DAB1: variants seen among roughly 807,000 people sequenced by gnomAD.
DAB1 encodes disabled homolog 1.
DAB1 carries 15 observed loss-of-function variants against 64.6 expected under a neutral mutation model. The ratio of observed to expected loss-of-function variants is 0.23; its 90% CI spans 0.16 to 0.36. DAB1 has a LOEUF of 0.36. Among genes scored for constraint, DAB1 ranks in the 10% least tolerant of loss-of-function variants. DAB1 has a pLI of 1.00. For synonymous variants in DAB1, 235 were observed against 251.9 expected (o/e 0.93, Z 0.64); for missense variants, 596 against 706.7 (o/e 0.84, Z 1.78).
chr1:57,182,211 A>G (rs1663044809), intron 2 of DAB1, among the ~76,000 whole-genome samples: 1 of 152,218 alleles, frequency 6.6e-6, no homozygotes, highest in Admixed American at 6.5e-5. Context: ...ACACACTGAC[A>G]GGCACTCAAG....
At chr1:57,945,787 C>T (rs940192103) in intron 5 of DAB1, among the ~76,000 whole-genome samples, 1 of 152,192 alleles carries the variant, frequency 6.6e-6, no homozygotes, top group Admixed American at 6.5e-5. Context: ...GCCTACCTGT[C>T]AATCCCAGAA....
intron 5 of DAB1, among the ~76,000 whole-genome samples, chr1:57,908,406 TGCTTAAC>T (rs748442245): frequency 6.6e-6 from 1 of 152,180 alleles, no homozygotes; most frequent in Non-Finnish European, 1.5e-5. Flanking sequence ...ATAGATTTAT[TGCTTAAC>T]GCTAGAGAGA....
At chr1:57,591,810 T>A (rs2101571164) in intron 7 of DAB1, among the ~76,000 whole-genome samples, 1 of 152,328 alleles carries the variant, frequency 6.6e-6, no homozygotes, top group South Asian at 2.1e-4. Context: ...ATGTCTGCAG[T>A]GTCAGAGGCT....
intron 2 of DAB1, among the ~76,000 whole-genome samples, chr1:57,198,650 C>CTCTCTT (rs1664836187): frequency 2.7e-5 from 1 of 37,258 alleles, no homozygotes; most frequent in Non-Finnish European, 7.6e-5. Flanking sequence ...TTCTCTCTCT[C>CTCTCTT]ACACACACAC....
At chr1:57,979,501 T>C (rs1377670870) in intron 5 of DAB1, among the ~76,000 whole-genome samples, 2 of 152,182 alleles carry the variant, frequency 1.3e-5, no homozygotes, top group Non-Finnish European at 2.9e-5. Context: ...CACCGTGGCA[T>C]GTGTATACCT....
chr1:57,691,581 A>G (rs900721258), intron 6 of DAB1, among the ~76,000 whole-genome samples: 2 of 152,150 alleles, frequency 1.3e-5, no homozygotes, highest in Non-Finnish European at 2.9e-5. Flanking sequence ...ATTCACTGTG[A>G]AGGTCTGTGG....
intron 7 of DAB1, among the ~76,000 whole-genome samples, chr1:57,633,472 G>GCAGGC (rs1324423833): frequency 1.3e-5 from 2 of 152,208 alleles, no homozygotes; most frequent in Non-Finnish European, 2.9e-5. Context: ...GATTGCAAGG[G>GCAGGC]CAGGCTGCTG....
intron 5 of DAB1, among the ~76,000 whole-genome samples, chr1:57,996,978 C>T (rs887349836): frequency 6.6e-6 from 1 of 152,158 alleles, no homozygotes; most frequent in African/African-American, 2.4e-5. Flanking sequence ...ACCCCACTGC[C>T]AACCAGGAAT....
At chr1:57,708,373 C>T (rs1437353517) in intron 6 of DAB1, among the ~76,000 whole-genome samples, 1 of 152,222 alleles carries the variant, frequency 6.6e-6, no homozygotes, top group East Asian at 1.9e-4. Context: ...CCTTCTCTTT[C>T]CCTCAAGTGG....
chr1:57,502,043 G>A (rs571168303), intron 7 of DAB1, among the ~76,000 whole-genome samples: 3 of 152,140 alleles, frequency 2.0e-5, no homozygotes, highest in Middle Eastern at 3.4e-3. Flanking sequence ...GAAACCGGCC[G>A]GTCGCGGTGG....
rs1467241373 is a variant in DAB1 at position 57,760,187 on chromosome 1, T to A, written n.552-110522A>T. ...TGAGGAAGGCTGCACTTGTCACTTA[T>A]GCACAGGAACAACATGGCTTTGAAT... On this transcript the variant is annotated intron_variant and non_coding_transcript_variant, in intron 6 of 20. Coordinates refer to the DAB1 transcript ENST00000485760. Among the ~76,000 whole-genome samples, 7 of 152,224 alleles carry A rather than the reference T, an allele frequency of 4.6e-5. No homozygotes were observed. The South Asian group carries it at 1.5e-3, about 32-fold the overall frequency.
At chr1:57,950,899 T>A (rs1645263196) in intron 5 of DAB1, among the ~76,000 whole-genome samples, 1 of 152,210 alleles carries the variant, frequency 6.6e-6, no homozygotes, top group African/African-American at 2.4e-5. Flanking sequence ...AGTCCTTTGT[T>A]TTCTTCACTT....
rs572173354 is a variant in DAB1 at position 57,160,071 on chromosome 1, C to T, written c.68-14642G>A. Among the ~76,000 whole-genome samples the T allele has an allele frequency of 3.9e-5, 6 of 152,206 alleles. No homozygotes were observed. The South Asian group carries it at 1.2e-3, about 32-fold the overall frequency. ...TTGCTTACCCACAGCCTAAGGATGG[C>T]GTGACAGCATTTGCTTCTTAGATTT... On this transcript the variant is annotated intron_variant, in intron 2 of 14. Coordinates refer to ENST00000371236, the MANE Select transcript of DAB1 (RefSeq NM_001365792.1).
In DAB1 at chr1:57,795,996, T is replaced by G. The variant is rs188943856; in HGVS notation, n.551+88003A>C. 6.9e-4 allele frequency among the ~76,000 whole-genome samples: 105 copies of G among 151,932 alleles called. 3 individuals are homozygous for G. In the South Asian group the frequency reaches 0.012, roughly 18 times the overall value. On this transcript the variant is annotated intron_variant and non_coding_transcript_variant, in intron 6 of 20. Transcript: ENST00000485760. ...GCTATATAAAACAAGGTATCATATA[T>G]ATACATATATATGCACGCTGTGGTA...
chr1:57,768,262 T>C (rs1284451290), intron 6 of DAB1, among the ~76,000 whole-genome samples: 1 of 151,426 alleles, frequency 6.6e-6, no homozygotes, highest in Non-Finnish European at 1.5e-5. Flanking sequence ...TGTGTGTGTT[T>C]GGCAAGTAAT....
chr1:57,531,382 ACT>A (rs1230587900), intron 7 of DAB1, among the ~76,000 whole-genome samples: 9 of 151,772 alleles, frequency 5.9e-5, no homozygotes, highest in East Asian at 1.9e-4. Context: ...TTCCTTGCTG[ACT>A]CTCTTTTCTG....
chr1:57,279,584 T>C (rs1193114355), intron 2 of DAB1, among the ~76,000 whole-genome samples: 2 of 152,204 alleles, frequency 1.3e-5, no homozygotes, highest in East Asian at 1.9e-4. Flanking sequence ...TGTCCACTGA[T>C]GGATGAATGG....
At chr1:57,493,918 A>G (rs1447018765) in intron 7 of DAB1, among the ~76,000 whole-genome samples, 1 of 152,168 alleles carries the variant, frequency 6.6e-6, no homozygotes, top group Non-Finnish European at 1.5e-5. Flanking sequence ...CGATCTTGCA[A>G]TCAGAGGCTT....
intron 7 of DAB1, among the ~76,000 whole-genome samples, chr1:57,623,118 C>G (rs1187556235): frequency 6.6e-6 from 1 of 152,064 alleles, no homozygotes; most frequent in Non-Finnish European, 1.5e-5. Context: ...TGTTTGAAAT[C>G]CGTGTTGGCA....
Sources: allele counts gnomAD v4.1 joint callset (sites outside exome capture counted in the v4.1 genomes callset), GRCh38; gene constraint gnomAD v4.1.1; transcripts MANE v1.5; gene names NCBI Gene and HGNC (gene_info 2026-07-23, HGNC 2026-07-21).